Variants in PRKN observed in about 807,000 individuals in gnomAD.
PRKN encodes parkin RBR E3 ubiquitin protein ligase.
Under a neutral mutation model 59.5 loss-of-function variants are expected in PRKN, and 56 were observed. The observed-to-expected ratio is 0.94, with a 90% CI of 0.76 to 1.18. The LOEUF (loss-of-function observed/expected upper bound fraction) is 1.18, where lower values mean the gene tolerates loss of function less well. Ranked by LOEUF, PRKN falls within the 50% of genes most tolerant of loss-of-function variation. The pLI is 0.00. For synonymous variants in PRKN, 250 were observed against 222.1 expected (o/e 1.13, Z -1.12); for missense variants, 657 against 596.4 (o/e 1.10, Z -1.06).
intron 1 of PRKN, among the ~76,000 whole-genome samples, chr6:162,713,584 T>C (rs1027017193): frequency 2.6e-5 from 4 of 151,862 alleles, no homozygotes; most frequent in Non-Finnish European, 5.9e-5. Context: ...TAAAAAGTGT[T>C]AAGAAATATC....
At chr6:162,429,827 A>G (rs1789421485) in intron 2 of PRKN, among the ~76,000 whole-genome samples, 1 of 152,090 alleles carries the variant, frequency 6.6e-6, no homozygotes, top group South Asian at 2.1e-4. Context: ...TATTAACAGA[A>G]TCCAAGGAAG....
At chr6:161,740,851 T>C (rs1358320846) in intron 7 of PRKN, among the ~76,000 whole-genome samples, 1 of 152,210 alleles carries the variant, frequency 6.6e-6, no homozygotes, top group East Asian at 1.9e-4. Flanking sequence ...AGTAGGCCCG[T>C]GTGGTGGAGA....
At chr6:161,682,953 G>A (rs762461955) in intron 7 of PRKN, among the ~76,000 whole-genome samples, 4 of 152,194 alleles carry the variant, frequency 2.6e-5, no homozygotes, top group East Asian at 1.9e-4. Context: ...GGCAGCTCAC[G>A]GAAAGGACAA....
intron 1 of PRKN, among the ~76,000 whole-genome samples, chr6:162,579,910 A>ACCT (rs1335185705): frequency 1.3e-5 from 2 of 151,910 alleles, no homozygotes; most frequent in Admixed American, 1.3e-4. Context: ...TATACACAGA[A>ACCT]CCTCCCCAGA....
chr6:162,146,652 G>A (rs1293845744), intron 4 of PRKN, among the ~76,000 whole-genome samples: 1 of 151,936 alleles, frequency 6.6e-6, no homozygotes, highest in Non-Finnish European at 1.5e-5. Context: ...CTACAGGCAT[G>A]CACCATCATG....
chr6:161,427,668 G>T lies in PRKN; in HGVS notation c.1084-40791C>A, dbSNP rs530013434. ...GATGTAAAGTATATATTTCTTGAGGGTAGAGTTGTTTCACTGCCACTGTGT... is the reference window on the plus strand; with the variant it reads ...GATGTAAAGTATATATTTCTTGAGGTTAGAGTTGTTTCACTGCCACTGTGT... On this transcript the variant is annotated intron_variant, in intron 9 of 11. Transcript: ENST00000366898. 5.9e-5 allele frequency among the ~76,000 whole-genome samples: 9 copies of T among 152,266 alleles called. No homozygotes were observed. In the South Asian group the frequency reaches 1.9e-3, roughly 32 times the overall value.
intron 6 of PRKN, among the ~76,000 whole-genome samples, chr6:161,967,457 T>C (rs746490043): frequency 6.6e-6 from 1 of 152,164 alleles, no homozygotes; most frequent in Non-Finnish European, 1.5e-5. Flanking sequence ...AAATCCTGGA[T>C]TTTACACGGA....
intron 3 of PRKN, among the ~76,000 whole-genome samples, chr6:162,256,154 T>C (rs1347091221): frequency 6.6e-6 from 1 of 152,144 alleles, no homozygotes; most frequent in East Asian, 1.9e-4. Flanking sequence ...TGTAGGAGTT[T>C]GGGCCTGATT....
intron 7 of PRKN, among the ~76,000 whole-genome samples, chr6:161,738,494 A>T (rs545695692): frequency 6.6e-6 from 1 of 152,298 alleles, no homozygotes; most frequent in African/African-American, 2.4e-5. Flanking sequence ...ACATGACATT[A>T]TTGTCTTTAA....
At chr6:162,059,788 A>G (rs976608279) in intron 4 of PRKN, among the ~76,000 whole-genome samples, 1 of 152,176 alleles carries the variant, frequency 6.6e-6, no homozygotes, top group Non-Finnish European at 1.5e-5. Flanking sequence ...AGAAAAATAT[A>G]TAAATTATTT....
intron 3 of PRKN, among the ~76,000 whole-genome samples, chr6:162,222,336 T>C (rs576207411): frequency 6.6e-6 from 1 of 152,296 alleles, no homozygotes; most frequent in South Asian, 2.1e-4. Flanking sequence ...TGGGTCGGCC[T>C]GACCCAATCA....
chr6:162,409,182 A>G (rs1788223954), intron 2 of PRKN, among the ~76,000 whole-genome samples: 1 of 148,044 alleles, frequency 6.8e-6, no homozygotes, highest in African/African-American at 2.6e-5. Context: ...TTTTTTTTTT[A>G]TAGACAGTGT....
chr6:162,504,229 G>GT, intron 1 of PRKN, among the ~76,000 whole-genome samples: 1 of 152,190 alleles, frequency 6.6e-6, no homozygotes, highest in Non-Finnish European at 1.5e-5. Context: ...TGTCAAGGCT[G>GT]AAGGATGGAG....
intron 1 of PRKN, among the ~76,000 whole-genome samples, chr6:162,453,882 G>A (rs749796035): frequency 3.0e-4 from 46 of 152,034 alleles, no homozygotes; most frequent in Non-Finnish European, 5.4e-4. Flanking sequence ...CAGCCTGGGC[G>A]ACAAGAGTGA....
At chr6:161,989,035 C>T (rs551215347) in intron 5 of PRKN, among the ~76,000 whole-genome samples, 1 of 152,224 alleles carries the variant, frequency 6.6e-6, no homozygotes, top group East Asian at 1.9e-4. Flanking sequence ...GTGTGCTGCA[C>T]CCATTAACTC....
intron 1 of PRKN, among the ~76,000 whole-genome samples, chr6:162,628,203 A>G (rs1325736347): frequency 6.6e-6 from 1 of 152,196 alleles, no homozygotes; most frequent in African/African-American, 2.4e-5. Flanking sequence ...ATGAAGACGC[A>G]GAGGAAACAA....
intron 6 of PRKN, among the ~76,000 whole-genome samples, chr6:161,831,064 T>C (rs1451424765): frequency 6.6e-6 from 1 of 152,130 alleles, no homozygotes; most frequent in Non-Finnish European, 1.5e-5. Context: ...AGCTCTGCAG[T>C]AACGGTTATA....
At chr6:161,901,710 A>C (rs1777922687) in intron 6 of PRKN, among the ~76,000 whole-genome samples, 1 of 152,230 alleles carries the variant, frequency 6.6e-6, no homozygotes, top group Non-Finnish European at 1.5e-5. Flanking sequence ...AATATTAACA[A>C]GAACAGGTTT....
At chr6:162,276,053 T>A (rs1780622731) in intron 2 of PRKN, among the ~76,000 whole-genome samples, 1 of 152,208 alleles carries the variant, frequency 6.6e-6, no homozygotes, top group African/African-American at 2.4e-5. Flanking sequence ...ATGTGGATGG[T>A]TAGAGATACT....
Sources: gnomAD v4.1 joint callset for allele counts (sites outside exome capture counted in the v4.1 genomes callset) on GRCh38, gnomAD v4.1.1 for gene constraint, MANE v1.5 for transcripts, NCBI Gene and HGNC (gene_info 2026-07-23, HGNC 2026-07-21) for gene names.